Variants in GK5 observed in about 807,000 individuals in gnomAD.
The protein encoded by GK5 is ATP:glycerol 3-phosphotransferase 5.
Under a neutral mutation model 77.3 loss-of-function variants are expected in GK5, and 39 were observed. That is an observed-to-expected ratio of 0.50 (90% CI 0.39 to 0.66). GK5 has a LOEUF of 0.66. GK5 is among the 30% of genes least tolerant of loss of function. GK5 has a pLI of 0.00. For missense variants in GK5, 487 were observed against 633.8 expected, an observed-to-expected ratio of 0.77 and a Z score of 2.49; for synonymous variants, 211 against 208.0, an observed-to-expected ratio of 1.01 and a Z score of -0.13.
At chr3:142,203,813 TATTG>T (rs1321896205) in intron 4 of GK5, among the ~76,000 whole-genome samples, 1 of 152,086 alleles carries the variant, frequency 6.6e-6, no homozygotes, top group Non-Finnish European at 1.5e-5. Context: ...TAATATGGAA[TATTG>T]ATTATGACAT....
chr3:142,198,829 C>A lies in GK5; in HGVS notation c.516G>T (p.Leu172Phe). The A allele has an allele frequency of 6.2e-7, 1 of 1,611,908 alleles. No homozygotes were observed. Among genetic ancestry groups the A allele is most frequent in the South Asian group, 1.1e-5 (1 of 90,596 alleles). ...CAGTCAAGTTCTGTAAAATCCAGACCAATCTCAAAGAAGTCTGCTGGGTTG... is the reference window on the plus strand; with the variant it reads ...CAGTCAAGTTCTGTAAAATCCAGACAAATCTCAAAGAAGTCTGCTGGGTTG... ...TFTTQQTSLR[L>F]VWILQNLTEV... is the part of the protein sequence containing the mutation. Residue 172 changes from leucine (L) to phenylalanine (F), a missense_variant, in exon 5 of 16, where the codon TTG (leucine) becomes TTT (phenylalanine). Coordinates refer to ENST00000392993, the MANE Select transcript of GK5 (RefSeq NM_001039547.3).
At chr3:142,179,649 A>G (rs1191997241) in intron 11 of GK5, among the ~76,000 whole-genome samples, 4 of 152,246 alleles carry the variant, frequency 2.6e-5, no homozygotes, top group Non-Finnish European at 5.9e-5. Flanking sequence ...AGATAAAGAA[A>G]CAGAAAACAA....
chr3:142,159,285 T>C lies in GK5; in HGVS notation c.*6337A>G, dbSNP rs566427876. On this transcript the variant is annotated 3_prime_UTR_variant, in exon 16 of 16. Transcript: ENST00000392993. ...TTCCTGGTGGGAATGTAAGATGGTA[T>C]AGCCAGTCTGGAAAACAGTTTGGCT... 167 of 152,348 alleles carry C rather than the reference T, an allele frequency of 1.1e-3. No individual in the cohort carries two copies. Among genetic ancestry groups the C allele is most frequent in the African/African-American group, 4.0e-3 (165 of 41,574 alleles). The allele number at this position is 152,348 out of a possible 1,614,324, so 9.4% of individuals were successfully genotyped here. A position where few individuals can be genotyped will look rare whatever the true frequency, so the allele number is the denominator to read the frequency against.
intron 1 of GK5, among the ~76,000 whole-genome samples, chr3:142,224,704 G>A (rs143789782): frequency 2.0e-5 from 3 of 152,188 alleles, no homozygotes; most frequent in East Asian, 1.9e-4. Flanking sequence ...TAATATCCAC[G>A]GCAATCAGTT....
chr3:142,225,286 C>A (rs896836129), intron 1 of GK5, 23 bp downstream of exon 1: 2 of 1,521,904 alleles, frequency 1.3e-6, no homozygotes, highest in East Asian at 2.6e-5. Context: ...CAGACCCGCG[C>A]CCCACGCCCG....
At position 142,184,761 on chromosome 3, in the gene GK5, G is replaced by A. The variant is rs558690464; in HGVS notation, c.816+1168C>T. 1.2e-3 allele frequency: 692 copies of A among 597,780 alleles called. 2 individuals are homozygous for A. Among genetic ancestry groups the A allele is most frequent in the Non-Finnish European group, 1.3e-3 (615 of 476,242 alleles). 37.0% of individuals were successfully genotyped at this position (597,780 alleles called of 1,614,324 possible). A position where few individuals can be genotyped will look rare whatever the true frequency, so the allele number is the denominator to read the frequency against. On this transcript the variant is annotated intron_variant, in intron 9 of 15. Transcript: ENST00000392993. ...TGAGGCAGAAGAGTCACTTGAACCC[G>A]AGAGGCGGAGGTCACAGTGAGCCAT...
chr3:142,213,517 T>C lies in GK5; in HGVS notation c.317+9A>G. 1 of 1,549,976 alleles carries C rather than the reference T, an allele frequency of 6.5e-7. No homozygotes were observed. Among genetic ancestry groups the C allele is most frequent in the Non-Finnish European group, 8.9e-7 (1 of 1,121,648 alleles). ...CAGCAGTAGGGTGCTTATCACAGAA[T>C]GTACTTACTTGTTCCACGTAATAAA... On this transcript the variant is annotated intron_variant, in intron 3 of 15. Coordinates refer to ENST00000392993, the MANE Select transcript of GK5 (RefSeq NM_001039547.3).
intron 8 of GK5, 61 bp downstream of exon 8, chr3:142,186,133 A>G (rs2107777737): frequency 1.6e-6 from 2 of 1,264,508 alleles, no homozygotes; most frequent in South Asian, 2.5e-5. Flanking sequence ...GCTTTTCCCC[A>G]CGAAACAAAA....
Position 142,225,571 on chromosome 3 carries a change from A to T in GK5, c.-116T>A. The T allele has an allele frequency of 7.6e-7, 1 of 1,312,966 alleles. No individual in the cohort carries two copies. Among genetic ancestry groups the T allele is most frequent in the Non-Finnish European group, 1.0e-6 (1 of 986,726 alleles). The allele number at this position is 1,312,966 out of a possible 1,614,324, so 81.3% of individuals were successfully genotyped here. ...GGGCCCCAACCCGGCTCAGCCGGAGAGCCTAGAGAGGCCTGGCCCCTGCCG... is the reference window on the plus strand; with the variant it reads ...GGGCCCCAACCCGGCTCAGCCGGAGTGCCTAGAGAGGCCTGGCCCCTGCCG... On this transcript the variant is annotated 5_prime_UTR_variant, in exon 1 of 16. Coordinates refer to ENST00000392993, the MANE Select transcript of GK5 (RefSeq NM_001039547.3).
At chr3:142,177,154 A>G (rs1225409561) in intron 12 of GK5, among the ~76,000 whole-genome samples, 1 of 152,164 alleles carries the variant, frequency 6.6e-6, no homozygotes, top group Non-Finnish European at 1.5e-5. Context: ...TGAAATGGCT[A>G]TTTTTGGTCA....
chr3:142,214,658 A>G (rs1434822972), intron 2 of GK5, among the ~76,000 whole-genome samples: 1 of 152,236 alleles, frequency 6.6e-6, no homozygotes, highest in Non-Finnish European at 1.5e-5. Flanking sequence ...AAAGGAGCCT[A>G]AGCCGACTGA....
intron 13 of GK5, among the ~76,000 whole-genome samples, 190 bp from the exon 14 acceptor site, chr3:142,171,668 G>A (rs1181040518): frequency 6.6e-6 from 1 of 152,090 alleles, no homozygotes; most frequent in East Asian, 1.9e-4. Context: ...TAAGCAAGAA[G>A]CGCAGGTCCT....
chr3:142,191,448 T>TA (rs2063849279), intron 5 of GK5, among the ~76,000 whole-genome samples: 2 of 152,072 alleles, frequency 1.3e-5, no homozygotes, highest in Non-Finnish European at 2.9e-5. Flanking sequence ...CTCACACCTG[T>TA]AGCCCAGCAC....
chr3:142,159,847 C>CTTT lies in GK5; in HGVS notation c.*5774_*5775insAAA, dbSNP rs1407448771. On this transcript the variant is annotated 3_prime_UTR_variant, in exon 16 of 16. Transcript: ENST00000392993. ...TGGGGCTTTCTCTCTCTCTCTCTCT[C>CTTT]TCTCTCTTTTTTTTTTTTGAGACAG... 191 of 103,180 alleles carry CTTT rather than the reference C, an allele frequency of 1.9e-3. 5 individuals carry two copies. The highest frequency in any genetic ancestry group is 7.0e-3 in the African/African-American group (176 of 25,164). The allele number at this position is 103,180 out of a possible 1,614,324, so 6.4% of individuals were successfully genotyped here.
chr3:142,220,415 G>A (rs550846083), intron 1 of GK5, among the ~76,000 whole-genome samples: 5 of 152,298 alleles, frequency 3.3e-5, no homozygotes, highest in South Asian at 4.1e-4. Context: ...GATTACAGGC[G>A]TCAGCCACCG....
rs111485353 is a variant in GK5, at chr3:142,161,963, C to A, written c.*3659G>T. On this transcript the variant is annotated 3_prime_UTR_variant, in exon 16 of 16. Transcript: ENST00000392993. The stretch of plus-strand genomic sequence containing the variant: ...TATATGTGTGTGTCACCACACCCAG[C>A]TAATTTGTGTATTTTTTGTAGAGAT... 6.6e-6 allele frequency: 1 copy of A among 152,122 alleles called. No individual in the cohort carries two copies. The highest frequency in any genetic ancestry group is 1.5e-5 in the Non-Finnish European group (1 of 68,050). 9.4% of individuals were successfully genotyped at this position (152,122 alleles called of 1,614,324 possible).
intron 9 of GK5, 97 bp from the exon 10 acceptor site, chr3:142,183,146 T>A: frequency 9.3e-7 from 1 of 1,078,002 alleles, no homozygotes; most frequent in Non-Finnish European, 1.3e-6. Flanking sequence ...TGATTAAACA[T>A]CTTCGTTTCT....
intron 9 of GK5, chr3:142,185,210 G>T: frequency 1.5e-6 from 1 of 656,806 alleles, no homozygotes; most frequent in Non-Finnish European, 1.9e-6. Flanking sequence ...CTAGGAGTTC[G>T]AGATCAGCCA....
At chr3:142,172,975 G>T in intron 12 of GK5, 1 of 223,266 alleles carries the variant, frequency 4.5e-6, no homozygotes. Context: ...GGCCAAGGAG[G>T]GAGGATTGCT....
Sources: gnomAD v4.1 joint callset for allele counts (sites outside exome capture counted in the v4.1 genomes callset) on GRCh38, gnomAD v4.1.1 for gene constraint, MANE v1.5 for transcripts, NCBI Gene and HGNC (gene_info 2026-07-23, HGNC 2026-07-21) for gene names.